NEO1: variants seen among roughly 807,000 people sequenced by gnomAD.
The protein encoded by NEO1 is neogenin.
Under a neutral mutation model 159.7 loss-of-function variants are expected in NEO1, and 63 were observed. The observed-to-expected ratio is 0.39, with a 90% confidence interval of 0.32 to 0.49. The LOEUF is 0.49. Ranked by LOEUF, NEO1 falls within the 20% of genes least tolerant of loss-of-function variation. NEO1 has a pLI of 0.85. For missense variants in NEO1, 1,615 were observed against 1,831.0 expected (o/e 0.88, Z 2.15); for synonymous variants, 633 against 662.0 (o/e 0.96, Z 0.67).
chr15:73,057,885 AAT>A (rs1041408422), intron 1 of NEO1, among the ~76,000 whole-genome samples: 3 of 152,180 alleles, frequency 2.0e-5, no homozygotes, highest in African/African-American at 7.2e-5. Context: ...AAAATACATA[AAT>A]ATATGTTTGT....
At chr15:73,205,755 C>T (rs929019556) in intron 7 of NEO1, among the ~76,000 whole-genome samples, 3 of 152,170 alleles carry the variant, frequency 2.0e-5, no homozygotes, top group African/African-American at 4.8e-5. Flanking sequence ...CCTGCAATCT[C>T]ATTTCTCTAG....
chr15:73,173,259 G>T (rs566606569), intron 5 of NEO1, among the ~76,000 whole-genome samples: 1 of 152,068 alleles, frequency 6.6e-6, no homozygotes, highest in Non-Finnish European at 1.5e-5. Flanking sequence ...TCTGGGGAGT[G>T]GAACACTAAA....
chr15:73,165,813 C>T (rs957614012), intron 5 of NEO1, among the ~76,000 whole-genome samples: 1 of 152,332 alleles, frequency 6.6e-6, no homozygotes, highest in Non-Finnish European at 1.5e-5. Context: ...GGCTGAACAT[C>T]TCATTTACGT....
At chr15:73,274,108 T>G (rs937917329) in intron 20 of NEO1, 103 bp downstream of exon 20, 3 of 1,085,228 alleles carry the variant, frequency 2.8e-6, no homozygotes, top group Non-Finnish European at 4.0e-6. Flanking sequence ...ATATGAAGTC[T>G]TAATGATGAG....
intron 7 of NEO1, among the ~76,000 whole-genome samples, chr15:73,185,354 A>C (rs953806416): frequency 1.3e-5 from 2 of 152,200 alleles, no homozygotes; most frequent in African/African-American, 4.8e-5. Flanking sequence ...GATGTTGATA[A>C]TGGGGGAAAC....
Position 73,122,547 on chromosome 15 carries a change from A to G in NEO1, c.471A>G (p.Gln157=), listed in dbSNP as rs144328581. Reference sequence around the variant, plus strand: ...CAGGTCTTCCAAGATTTACCAGCCAACCAGAACCTTCCTCAGTTTATGCTG... The same window carrying G: ...CAGGTCTTCCAAGATTTACCAGCCAGCCAGAACCTTCCTCAGTTTATGCTG... ...IVAGLPRFTS[Q]PEPSSVYAGN... Residue 157 remains glutamine, a synonymous_variant, in exon 3 of 29, where the codon CAA becomes CAG. Coordinates refer to ENST00000261908, the MANE Select transcript of NEO1 (RefSeq NM_002499.4). 6.9e-4 allele frequency: 1,109 copies of G among 1,614,068 alleles called. 10 individuals are homozygous for G. In the East Asian group the frequency reaches 0.021, roughly 31 times the overall value.
In NEO1 at chr15:73,122,855, G is replaced by A; in HGVS notation, c.724+55G>A. ...TTATGTTTATGAATGGGTAAACATT[G>A]TTCTGTTAGAATTTTTAAAAATAAT... On this transcript the variant is annotated intron_variant, in intron 3 of 28. Coordinates refer to ENST00000261908, the MANE Select transcript of NEO1 (RefSeq NM_002499.4). The A allele has an allele frequency of 1.9e-6, 3 of 1,579,272 alleles. No homozygotes were observed. In the South Asian group the frequency reaches 3.4e-5, roughly 18 times the overall value.
rs114331560 is a variant in NEO1, at chr15:73,242,058, G to A, written c.1452-2286G>A. Among the ~76,000 whole-genome samples, 396 of 152,272 alleles carry A rather than the reference G, an allele frequency of 2.6e-3. 2 individuals are homozygous for A. The highest frequency in any genetic ancestry group is 9.1e-3 in the African/African-American group (379 of 41,568). Reference sequence around the variant, plus strand: ...TCTGCTACGTGCTTCTGTCGTACACGAACATGAATGAGACAGTCTTTTACT... The same window carrying A: ...TCTGCTACGTGCTTCTGTCGTACACAAACATGAATGAGACAGTCTTTTACT... On this transcript the variant is annotated intron_variant, in intron 8 of 28. Coordinates refer to ENST00000261908, the MANE Select transcript of NEO1 (RefSeq NM_002499.4).
At chr15:73,199,962 G>T (rs914284666) in intron 7 of NEO1, among the ~76,000 whole-genome samples, 1 of 152,098 alleles carries the variant, frequency 6.6e-6, no homozygotes, top group African/African-American at 2.4e-5. Flanking sequence ...CCTCCCAAAG[G>T]CCACACCTCT....
intron 7 of NEO1, among the ~76,000 whole-genome samples, chr15:73,206,150 G>A (rs2037210352): frequency 6.6e-6 from 1 of 151,960 alleles, no homozygotes; most frequent in Non-Finnish European, 1.5e-5. Flanking sequence ...CAAGCAATCT[G>A]CCCACCCCAG....
intron 8 of NEO1, among the ~76,000 whole-genome samples, chr15:73,240,620 T>C (rs1365533683): frequency 6.6e-6 from 1 of 152,218 alleles, no homozygotes; most frequent in Non-Finnish European, 1.5e-5. Context: ...TAAACAGTAC[T>C]TTGGGAACAC....
Position 73,304,797 on chromosome 15 carries a change from A to G in NEO1, c.*2101A>G, listed in dbSNP as rs368336990. 1.3e-5 allele frequency: 2 copies of G among 152,158 alleles called. No homozygotes were observed. The highest frequency in any genetic ancestry group is 4.8e-5 in the African/African-American group (2 of 41,536). The allele number at this position is 152,158 out of a possible 1,614,324, so 9.4% of individuals were successfully genotyped here. A position where few individuals can be genotyped will look rare whatever the true frequency, so the allele number is the denominator to read the frequency against. On this transcript the variant is annotated 3_prime_UTR_variant, in exon 29 of 29. Coordinates refer to ENST00000261908, the MANE Select transcript of NEO1 (RefSeq NM_002499.4). ...AGGGCCTTGGTACCTGGATACTGCC[A>G]CAGAATTGGGGCGGGTGGGGGAGGG...
intron 8 of NEO1, among the ~76,000 whole-genome samples, chr15:73,240,918 C>G (rs1036106070): frequency 1.3e-5 from 2 of 152,144 alleles, no homozygotes; most frequent in Admixed American, 6.5e-5. Flanking sequence ...ACAAAACTTT[C>G]TTATTAATCT....
chr15:73,177,943 T>C (rs1596267407), intron 6 of NEO1, among the ~76,000 whole-genome samples: 1 of 152,332 alleles, frequency 6.6e-6, no homozygotes, highest in East Asian at 1.9e-4. Flanking sequence ...CTATTGATAT[T>C]ATAGATAGTC....
chr15:73,174,171 C>T (rs1317355973), intron 5 of NEO1, among the ~76,000 whole-genome samples: 1 of 151,274 alleles, frequency 6.6e-6, no homozygotes, highest in Admixed American at 6.6e-5. Context: ...TTAAAGAATA[C>T]AAAAATAGTA....
In NEO1 at chr15:73,236,452, C is replaced by T; in HGVS notation, c.1397C>T (p.Pro466Leu). Residue 466 changes from proline (P) to leucine (L), a missense_variant, in exon 8 of 29, where the codon CCT (proline) becomes CTT (leucine). This residue lies in a region of NEO1 where 1,018 missense variants were observed against 1,115.4 expected (regional missense o/e 0.91). Coordinates refer to ENST00000261908, the MANE Select transcript of NEO1 (RefSeq NM_002499.4). ...ACGTGGCGGACACCTGCATCAGATCCTCACGGAGACAACCTTACCTACTCT... is the reference window on the plus strand; with the variant it reads ...ACGTGGCGGACACCTGCATCAGATCTTCACGGAGACAACCTTACCTACTCT... ...KLTWRTPASD[P>L]HGDNLTYSVF... 1.2e-6 allele frequency: 2 copies of T among 1,614,200 alleles called. No individual in the cohort carries two copies. Among genetic ancestry groups the T allele is most frequent in the Non-Finnish European group, 8.5e-7 (1 of 1,180,032 alleles).
intron 4 of NEO1, among the ~76,000 whole-genome samples, chr15:73,130,759 G>T (rs1420494704): frequency 6.6e-6 from 1 of 152,224 alleles, no homozygotes; most frequent in Non-Finnish European, 1.5e-5. Flanking sequence ...GCCATAAGAG[G>T]CAACCCTTCC....
At chr15:73,055,407 C>A (rs1317650182) in intron 1 of NEO1, among the ~76,000 whole-genome samples, 1 of 152,168 alleles carries the variant, frequency 6.6e-6, no homozygotes. Context: ...CCTCCCCACC[C>A]TTCTTACATT....
At chr15:73,098,140 T>A (rs139805416) in intron 1 of NEO1, among the ~76,000 whole-genome samples, 181 of 152,214 alleles carry the variant, frequency 1.2e-3, no homozygotes, top group African/African-American at 4.0e-3. Context: ...TGCAATAAAA[T>A]GGTCATTAAA....
Sources: allele counts gnomAD v4.1 joint callset (sites outside exome capture counted in the v4.1 genomes callset), GRCh38; gene constraint gnomAD v4.1.1; regional missense constraint gnomAD v4.1.1; transcripts MANE v1.5; gene names NCBI Gene and HGNC (gene_info 2026-07-23, HGNC 2026-07-21).